The following PCGF6 variants were observed in gnomAD, a reference collection of about 807,000 sequenced individuals.
PCGF6 encodes the protein polycomb group ring finger 6.
PCGF6 carries 24 observed loss-of-function variants against 45.5 expected under a neutral mutation model. The ratio of observed to expected loss-of-function variants is 0.53; its 90% confidence interval spans 0.38 to 0.74. The LOEUF is 0.74. PCGF6 is among the 30% of genes least tolerant of loss of function. PCGF6 has a pLI of 0.00. For synonymous variants in PCGF6, 152 were observed against 162.1 expected (o/e 0.94, Z 0.47); for missense variants, 356 against 443.2 (o/e 0.80, Z 1.77).
At chr10:103,332,741 G>A (rs1476546527) in intron 7 of PCGF6, among the ~76,000 whole-genome samples, 2 of 152,030 alleles carry the variant, frequency 1.3e-5, no homozygotes, top group Admixed American at 1.3e-4. Context: ...CCCACTACAT[G>A]GCTACGAGAA....
chr10:103,340,177 A>AG (rs1193850950), intron 6 of PCGF6, among the ~76,000 whole-genome samples: 34 of 37,346 alleles, frequency 9.1e-4, no homozygotes, highest in Non-Finnish European at 1.7e-3. Flanking sequence ...ACTCTGTCTC[A>AG]GGGAAAAAAA....
chr10:103,335,921 C>T (rs554567721), intron 6 of PCGF6, among the ~76,000 whole-genome samples: 2 of 150,970 alleles, frequency 1.3e-5, no homozygotes, highest in African/African-American at 2.4e-5. Context: ...GAGCTGAGAT[C>T]GTGTCACTAC....
intron 3 of PCGF6, among the ~76,000 whole-genome samples, 186 bp from the exon 4 acceptor site, chr10:103,347,636 T>A (rs184332806): frequency 2.0e-5 from 3 of 152,178 alleles, no homozygotes; most frequent in Admixed American, 6.6e-5. Flanking sequence ...ATATATGTAA[T>A]CATAAGTATT....
In PCGF6 at chr10:103,314,954, T is replaced by TAAAAAA. The variant is rs60182387; in HGVS notation, c.910-688_910-683dup. ...TGGGCCACAGAGCGAGACTCTGTCA[T>TAAAAAA]AAAAAAAAAAAAAAAAAAAAAAAAA... On this transcript the variant is annotated intron_variant, in intron 8 of 9. Coordinates refer to ENST00000369847, the MANE Select transcript of PCGF6 (RefSeq NM_001011663.2). 2.4e-4 allele frequency among the ~76,000 whole-genome samples: 14 copies of TAAAAAA among 57,184 alleles called. 1 individual carries two copies. Among genetic ancestry groups the TAAAAAA allele is most frequent in the South Asian group, 9.5e-4 (1 of 1,052 alleles). 37.5% of individuals were successfully genotyped at this position (57,184 alleles called of 152,430 possible).
At chr10:103,331,109 G>A (rs1265637213) in intron 7 of PCGF6, among the ~76,000 whole-genome samples, 2 of 152,152 alleles carry the variant, frequency 1.3e-5, no homozygotes, top group East Asian at 3.9e-4. Context: ...CTTTTCCTTA[G>A]CATCATGTTT....
intron 6 of PCGF6, among the ~76,000 whole-genome samples, chr10:103,342,818 G>A (rs2093285811): frequency 6.6e-6 from 1 of 152,062 alleles, no homozygotes; most frequent in Non-Finnish European, 1.5e-5. Flanking sequence ...AGAAATTGCT[G>A]GATTAAAATT....
chr10:103,333,462 C>G (rs1387808055), intron 7 of PCGF6, among the ~76,000 whole-genome samples: 1 of 152,138 alleles, frequency 6.6e-6, no homozygotes, highest in Non-Finnish European at 1.5e-5. Context: ...AGTAGTAACA[C>G]TGTATACAAT....
At chr10:103,346,769 T>C (rs1358449368) in intron 5 of PCGF6, among the ~76,000 whole-genome samples, 2 of 152,172 alleles carry the variant, frequency 1.3e-5, no homozygotes, top group African/African-American at 4.8e-5. Context: ...CACTCCAGCC[T>C]GGCAACAAGA....
chr10:103,307,329 C>T (rs1016082145), intron 9 of PCGF6, among the ~76,000 whole-genome samples: 5 of 151,534 alleles, frequency 3.3e-5, no homozygotes, highest in Non-Finnish European at 5.9e-5. Context: ...ACCAGCCACA[C>T]GGGAGGCTGA....
At chr10:103,322,342 C>T (rs1178163150) in intron 8 of PCGF6, among the ~76,000 whole-genome samples, 1 of 152,074 alleles carries the variant, frequency 6.6e-6, no homozygotes, top group African/African-American at 2.4e-5. Context: ...ACTAGGATTA[C>T]AGGTGTGCGC....
chr10:103,328,085 T>C (rs970306961), intron 7 of PCGF6, among the ~76,000 whole-genome samples: 12 of 151,814 alleles, frequency 7.9e-5, no homozygotes, highest in Admixed American at 2.6e-4. Context: ...GATGACAGAG[T>C]TTGAAAGTAA....
intron 6 of PCGF6, among the ~76,000 whole-genome samples, chr10:103,337,792 C>T (rs112645902): frequency 1.9e-5 from 1 of 51,868 alleles, no homozygotes; most frequent in Non-Finnish European, 4.3e-5. Flanking sequence ...CGGCCGGGCG[C>T]GGTGGCTCAC....
chr10:103,329,688 G>T (rs1425047252), intron 7 of PCGF6, among the ~76,000 whole-genome samples: 1 of 151,814 alleles, frequency 6.6e-6, no homozygotes. Flanking sequence ...GGCCAGGCTG[G>T]TTTCAAACTC....
chr10:103,333,838 T>A (rs2093248092), intron 7 of PCGF6, 87 bp downstream of exon 7: 1 of 893,542 alleles, frequency 1.1e-6, no homozygotes, highest in Non-Finnish European at 1.7e-6. Context: ...AACTTATTTA[T>A]ACAATCTCCA....
chr10:103,349,846 G>A (rs965690982), intron 1 of PCGF6, among the ~76,000 whole-genome samples: 14 of 150,412 alleles, frequency 9.3e-5, no homozygotes, highest in African/African-American at 2.9e-4. Context: ...ACTTTGGGAG[G>A]CCGAGGCGGG....
At position 103,347,576 on chromosome 10, in the gene PCGF6, T is replaced by C. The variant is rs1453015621; in HGVS notation, c.558-126A>G. ...TTCTCAGAGGTGAGTTACTTTTAAG[T>C]AGCATTTACAGTTCCTAAAATATAA... On this transcript the variant is annotated intron_variant, in intron 3 of 9. Transcript: ENST00000369847. 4.2e-6 allele frequency: 3 copies of C among 706,138 alleles called. No individual in the cohort carries two copies. The East Asian group carries it at 8.0e-5, about 19-fold the overall frequency. The allele number at this position is 706,138 out of a possible 1,614,324, so 43.7% of individuals were successfully genotyped here.
intron 8 of PCGF6, among the ~76,000 whole-genome samples, chr10:103,324,775 C>CAAAA (rs1201045698): frequency 1.2e-5 from 1 of 86,774 alleles, no homozygotes; most frequent in Non-Finnish European, 2.5e-5. Context: ...AAAAAAAAAC[C>CAAAA]AAAAAAAAAA....
intron 8 of PCGF6, among the ~76,000 whole-genome samples, chr10:103,316,407 T>C (rs966651966): frequency 2.0e-5 from 3 of 152,232 alleles, no homozygotes; most frequent in African/African-American, 4.8e-5. Context: ...GCAGCCACTA[T>C]GTACAATAAG....
At chr10:103,324,504 A>C (rs940050927) in intron 8 of PCGF6, among the ~76,000 whole-genome samples, 1 of 151,948 alleles carries the variant, frequency 6.6e-6, no homozygotes, top group East Asian at 1.9e-4. Flanking sequence ...TATGCCTGTA[A>C]TCCCAGCACT....
Sources: gnomAD v4.1 joint callset for allele counts (sites outside exome capture counted in the v4.1 genomes callset) on GRCh38, gnomAD v4.1.1 for gene constraint, MANE v1.5 for transcripts, NCBI Gene and HGNC (gene_info 2026-07-23, HGNC 2026-07-21) for gene names.